Variants in ENPP1 observed in about 807,000 individuals in gnomAD.
ENPP1 encodes the protein ectonucleotide pyrophosphatase/phosphodiesterase family member 1.
Under a neutral mutation model 122.8 loss-of-function variants are expected in ENPP1, and 73 were observed. The ratio of observed to expected loss-of-function variants is 0.59; its 90% CI spans 0.49 to 0.72. ENPP1 has a LOEUF of 0.72. Ranked by LOEUF, ENPP1 falls within the 30% of genes least tolerant of loss-of-function variation. The pLI, the probability that ENPP1 is intolerant of heterozygous loss-of-function variation, is 0.00. For missense variants in ENPP1, 978 were observed against 1,128.1 expected (o/e 0.87, Z 1.91); for synonymous variants, 367 against 391.6 (o/e 0.94, Z 0.74).
chr6:131,846,440 C>A (rs1781811875), intron 1 of ENPP1, among the ~76,000 whole-genome samples: 2 of 152,020 alleles, frequency 1.3e-5, no homozygotes, highest in South Asian at 4.2e-4. Flanking sequence ...GTGTTCTGTC[C>A]TCTCTTTCCT....
intron 13 of ENPP1, among the ~76,000 whole-genome samples, chr6:131,871,667 T>C (rs1462818278): frequency 6.6e-6 from 1 of 152,220 alleles, no homozygotes; most frequent in African/African-American, 2.4e-5. Flanking sequence ...TTTTTATTTT[T>C]ACCCAGTGAA....
Position 131,870,300 on chromosome 6 carries a change from A to G in ENPP1, c.1405+811A>G, listed in dbSNP as rs1562180615. 2.0e-5 allele frequency among the ~76,000 whole-genome samples: 3 copies of G among 152,196 alleles called. No homozygotes were observed. In the East Asian group the frequency reaches 5.8e-4, roughly 29 times the overall value. On this transcript the variant is annotated intron_variant, in intron 13 of 24. Transcript: ENST00000647893. ...CCATTTCAGAAACAATAAAGAATGT[A>G]TCTTTTACATAGGGAAGAATGAATT...
intron 2 of ENPP1, among the ~76,000 whole-genome samples, chr6:131,849,046 C>CT (rs1781848187): frequency 2.0e-5 from 3 of 151,536 alleles, no homozygotes. Context: ...TCCTTTTTTT[C>CT]TTTTTTTCTC....
chr6:131,871,260 T>A (rs1782158823), intron 13 of ENPP1, among the ~76,000 whole-genome samples: 1 of 152,136 alleles, frequency 6.6e-6, no homozygotes, highest in South Asian at 2.1e-4. Context: ...ATCTGGATAA[T>A]TTTCTCAAAT....
chr6:131,864,681 G>A (rs746951487), intron 10 of ENPP1, 110 bp downstream of exon 10: 27 of 857,876 alleles, frequency 3.1e-5, no homozygotes, highest in Non-Finnish European at 4.6e-5. Context: ...GTTTTATATC[G>A]AAATAAATTC....
chr6:131,814,304 A>G (rs1781390614), intron 1 of ENPP1, among the ~76,000 whole-genome samples: 1 of 152,186 alleles, frequency 6.6e-6, no homozygotes, highest in East Asian at 1.9e-4. Flanking sequence ...AGGACTTCCA[A>G]AAATGGAGAA....
Position 131,868,130 on chromosome 6 carries a change from A to G in ENPP1, c.1273+4A>G, listed in dbSNP as rs910533344. On this transcript the variant is annotated splice_donor_region_variant and intron_variant, in intron 12 of 24. Transcript: ENST00000647893. ...CTCATCCTTATTTCAGATCATGGTA[A>G]TCTGAATTTGCATTATTTACTCTTC... 5.6e-6 allele frequency: 9 copies of G among 1,599,064 alleles called. No individual in the cohort carries two copies. Among genetic ancestry groups the G allele is most frequent in the Non-Finnish European group, 7.7e-6 (9 of 1,166,556 alleles).
intron 7 of ENPP1, 71 bp from the exon 8 acceptor site, chr6:131,860,316 G>T: frequency 8.3e-7 from 1 of 1,203,418 alleles, no homozygotes; most frequent in African/African-American, 1.5e-5. Context: ...TCTTTTTGAT[G>T]ATTTTTTTCT....
intron 6 of ENPP1, 33 bp downstream of exon 6, chr6:131,855,056 C>T: frequency 7.2e-7 from 1 of 1,394,698 alleles, no homozygotes; most frequent in Non-Finnish European, 1.0e-6. Flanking sequence ...GCTGGAATAT[C>T]ACCATTTCAG....
chr6:131,852,697 G>A (rs1781897372), intron 5 of ENPP1, among the ~76,000 whole-genome samples: 7 of 152,082 alleles, frequency 4.6e-5, no homozygotes, highest in Admixed American at 3.9e-4. Flanking sequence ...ATTGAAGAAT[G>A]CTAGATAAAA....
intron 2 of ENPP1, 60 bp from the exon 3 acceptor site, chr6:131,849,930 A>G (rs1781859629): frequency 8.4e-7 from 1 of 1,194,930 alleles, no homozygotes; most frequent in Non-Finnish European, 1.3e-6. Flanking sequence ...GTATTCGTTG[A>G]TGTTTACTTT....
rs1370913047 is a variant in ENPP1 at position 131,850,007 on chromosome 6, C to T, written c.331C>T (p.Arg111Cys). 5.6e-6 allele frequency: 9 copies of T among 1,613,436 alleles called. No homozygotes were observed. The highest frequency in any genetic ancestry group is 1.3e-5 in the African/African-American group (1 of 74,880). ...TTTTTCAGTTAAAAGTTGCAAAGGTCGCTGTTTCGAGAGAACATTTGGGAA... is the reference window on the plus strand; with the variant it reads ...TTTTTCAGTTAAAAGTTGCAAAGGTTGCTGTTTCGAGAGAACATTTGGGAA... ...CAKEVKSCKG[R>C]CFERTFGNCR... The change falls in exon 3 of 25, where the codon CGC (arginine) becomes TGC (cysteine). Residue 111 changes from arginine to cysteine, a missense_variant. Coordinates refer to ENST00000647893, the MANE Select transcript of ENPP1 (RefSeq NM_006208.3).
chr6:131,812,461 T>A lies in ENPP1; in HGVS notation c.240+4186T>A, dbSNP rs79491942. Among the ~76,000 whole-genome samples the A allele has an allele frequency of 5.9e-5, 9 of 152,350 alleles. No homozygotes were observed. The East Asian group carries it at 1.7e-3, about 29-fold the overall frequency. On this transcript the variant is annotated intron_variant, in intron 1 of 24. Coordinates refer to ENST00000647893, the MANE Select transcript of ENPP1 (RefSeq NM_006208.3). ...ACAAAATCTTCCAGGTTGGAGACCA[T>A]GATCTTTGATGTTTTTGTCTCCTAA...
At chr6:131,822,092 G>A (rs112019819) in intron 1 of ENPP1, among the ~76,000 whole-genome samples, 110 of 152,236 alleles carry the variant, frequency 7.2e-4, no homozygotes, top group African/African-American at 2.6e-3. Flanking sequence ...TGGATTAGTC[G>A]GGGAAATAAG....
chr6:131,890,178 G>A (rs1044784676), intron 24 of ENPP1, among the ~76,000 whole-genome samples, 163 bp from the exon 25 acceptor site: 1 of 152,142 alleles, frequency 6.6e-6, no homozygotes, highest in African/African-American at 2.4e-5. Context: ...TGTATTAGAA[G>A]GAAAGCTACT....
chr6:131,828,539 C>T (rs1455598202), intron 1 of ENPP1: 1 of 175,768 alleles, frequency 5.7e-6, no homozygotes, highest in African/African-American at 2.4e-5. Context: ...TGTCTTCATT[C>T]CTATGAATGC....
chr6:131,853,900 A>G (rs1028030883), intron 5 of ENPP1, among the ~76,000 whole-genome samples: 3 of 152,176 alleles, frequency 2.0e-5, no homozygotes, highest in Admixed American at 6.5e-5. Context: ...TTTGTCAAGT[A>G]TATTAGCATC....
chr6:131,869,929 A>AT (rs1181849538), intron 13 of ENPP1, among the ~76,000 whole-genome samples: 2 of 151,708 alleles, frequency 1.3e-5, no homozygotes, highest in Admixed American at 6.6e-5. Context: ...ATCACAGTTA[A>AT]TTTTTTTATG....
chr6:131,889,708 G>T (rs1782438441), intron 24 of ENPP1, among the ~76,000 whole-genome samples: 1 of 152,168 alleles, frequency 6.6e-6, no homozygotes. Context: ...CACTTAAGTT[G>T]ATTCCATGTC....
Sources: allele counts gnomAD v4.1 joint callset (sites outside exome capture counted in the v4.1 genomes callset), GRCh38; gene constraint gnomAD v4.1.1; transcripts MANE v1.5; gene names NCBI Gene and HGNC (gene_info 2026-07-23, HGNC 2026-07-21).